Variants in IL2RG observed in about 807,000 individuals in gnomAD.
IL2RG encodes interleukin 2 receptor subunit gamma, also known as cytokine receptor common subunit gamma.
For synonymous variants in IL2RG, 111 were observed against 108.5 expected (o/e 1.02, Z -0.15); for missense variants, 205 against 272.9 (o/e 0.75, Z 1.75).
Position 71,108,343 on chromosome X carries a change from C to T in IL2RG, c.858G>A (p.Thr286=), listed in dbSNP as rs148001866. The change falls in exon 7 of 8, where the codon ACG becomes ACA. Residue 286 remains threonine, a synonymous_variant. Transcript: ENST00000374202. ...TCTTCAGGGTGGGAATTCGGGGCAT[C>T]GTCCTGACAGGGGAGAAAGAGGGAG... ...LLCVYFWLER[T]MPRIPTLKNL... 1.3e-3 allele frequency: 1,532 copies of T among 1,184,879 alleles called. 18 individuals are homozygous for T. The highest frequency in any genetic ancestry group is 1.8e-4 in the Non-Finnish European group (156 of 872,393).
rs17875899 is a variant in IL2RG at position 71,110,633 on chromosome X, C to T, written c.325G>A (p.Glu109Lys). ...VQKCSHYLFS[E>K]EITSGCQLQK... ...AACTGACAGCCAGAAGTGATTTCTT[C>T]AGAGAATAGATAGTGGCTGCACTTC... Residue 109 changes from glutamate to lysine, a missense_variant, in exon 3 of 8, where the codon GAA becomes AAA. Transcript: ENST00000374202. 7.5e-4 allele frequency: 902 copies of T among 1,207,483 alleles called. 1 individual carries two copies. Among genetic ancestry groups the T allele is most frequent in the South Asian group, 7.0e-4 (40 of 56,810 alleles).
chrX:71,108,743 T>A, intron 5 of IL2RG, 48 bp from the exon 6 acceptor site: 1 of 878,973 alleles, frequency 1.1e-6, no homozygotes, highest in Non-Finnish European at 1.6e-6. Context: ...GTTGTGCCCC[T>A]ACTACATGCC....
intron 1 of IL2RG, 137 bp downstream of exon 1, chrX:71,111,288 T>G (rs1349188973): frequency 4.6e-6 from 4 of 863,201 alleles, no homozygotes; most frequent in South Asian, 2.5e-5. Context: ...CAGGGAACCC[T>G]CCCCCTTGCC....
chrX:71,110,116 C>A, intron 4 of IL2RG, 40 bp downstream of exon 4: 1 of 1,202,708 alleles, frequency 8.3e-7, no homozygotes, highest in Middle Eastern at 2.7e-4. Flanking sequence ...GCCCTACTTT[C>A]TTGGCCTTAG....
In IL2RG at chrX:71,107,532, G is replaced by A; in HGVS notation, c.*204C>T. 1 of 323,238 alleles carries A rather than the reference G, an allele frequency of 3.1e-6. No homozygotes were observed. The highest frequency in any genetic ancestry group is 4.6e-5 in the East Asian group (1 of 21,718). 26.6% of individuals were successfully genotyped at this position (323,238 alleles called of 1,213,427 possible). A position where few individuals can be genotyped will look rare whatever the true frequency, so the allele number is the denominator to read the frequency against. ...CTGCGAAAAGGAAGGGCCAGACTGA[G>A]GGAGAAGAAAAACATGTTCGGGGCA... On this transcript the variant is annotated 3_prime_UTR_variant, in exon 8 of 8. Coordinates refer to ENST00000374202, the MANE Select transcript of IL2RG (RefSeq NM_000206.3).
Position 71,111,212 on chromosome X carries a change from T to C in IL2RG, c.116-162A>G, listed in dbSNP as rs932849024. On this transcript the variant is annotated intron_variant, in intron 1 of 7. Coordinates refer to ENST00000374202, the MANE Select transcript of IL2RG (RefSeq NM_000206.3). The stretch of plus-strand genomic sequence containing the variant: ...TTTGAGACCAGCCTAGGCAACATAG[T>C]GAGACCCTGCCTCAAAAGAAAGAAA... The C allele has an allele frequency of 2.2e-4, 148 of 685,971 alleles. 3 individuals are homozygous for C. The Admixed American group carries it at 4.0e-3, about 19-fold the overall frequency. 56.5% of individuals were successfully genotyped at this position (685,971 alleles called of 1,213,427 possible).
chrX:71,108,596 C>T lies in IL2RG; in HGVS notation c.854+3G>A. 1 of 1,174,091 alleles carries T rather than the reference C, an allele frequency of 8.5e-7. No individual in the cohort carries two copies. Among genetic ancestry groups the T allele is most frequent in the Non-Finnish European group, 1.2e-6 (1 of 868,138 alleles). On this transcript the variant is annotated splice_donor_region_variant and intron_variant, in intron 6 of 7. Transcript: ENST00000374202. ...CATTTTTCTGGGCTTCTCCAAATCT[C>T]ACCGTTCCAGCCAGAAATACACACA...
At chrX:71,110,814 C>T in intron 2 of IL2RG, 83 bp downstream of exon 2, 3 of 1,118,921 alleles carry the variant, frequency 2.7e-6, no homozygotes, top group South Asian at 3.7e-5. Context: ...CAGTGGGGTA[C>T]CTGGGAGACT....
chrX:71,109,944 A>G (rs1464147703), intron 4 of IL2RG, among the ~76,000 whole-genome samples: 1 of 103,248 alleles, frequency 9.7e-6, no homozygotes, highest in Non-Finnish European at 2.0e-5. Context: ...AAAAAAAAAA[A>G]AGAAAGAAAG....
At position 71,110,989 on chromosome X, in the gene IL2RG, C is replaced by T; in HGVS notation, c.177G>A (p.Glu59=). 1 of 1,206,978 alleles carries T rather than the reference C, an allele frequency of 8.3e-7. No homozygotes were observed. Among genetic ancestry groups the T allele is most frequent in the Non-Finnish European group, 1.1e-6 (1 of 892,313 alleles). The part of the protein sequence containing the change: ...SLSVSTLPLP[E]VQCFVFNVEY... ...CGACATTGAACACAAAACACTGAACCTCTGGGAGGGGCAGAGTGGAAACAC... is the reference window on the plus strand; with the variant it reads ...CGACATTGAACACAAAACACTGAACTTCTGGGAGGGGCAGAGTGGAAACAC... The change falls in exon 2 of 8, where the codon GAG becomes GAA. Residue 59 remains glutamate, a synonymous_variant. Coordinates refer to ENST00000374202, the MANE Select transcript of IL2RG (RefSeq NM_000206.3).
chrX:71,107,593 G>A lies in IL2RG; in HGVS notation c.*143C>T. 2.8e-6 allele frequency: 1 copy of A among 356,202 alleles called. No homozygotes were observed. 29.4% of individuals were successfully genotyped at this position (356,202 alleles called of 1,213,427 possible). On this transcript the variant is annotated 3_prime_UTR_variant, in exon 8 of 8. Transcript: ENST00000374202. ...TCTCAAGTGGGGAATGCCAAATGAA[G>A]GGGTGCTTACATGGGGGCACAAAAT...
chrX:71,108,229 G>T, intron 7 of IL2RG, 48 bp downstream of exon 7: 2 of 906,599 alleles, frequency 2.2e-6, no homozygotes, highest in East Asian at 3.1e-5. Flanking sequence ...TTGCTGGCAG[G>T]CAGTTGGCAG....
At position 71,108,703 on chromosome X, in the gene IL2RG, A is replaced by G. The variant is rs750518545; in HGVS notation, c.758-8T>C. Reference sequence around the variant, plus strand: ...CAAACAGGAAAGGATTCTCTATAGAAAAAAGAAAAGCAAAGTGGACCTTAT... The same window carrying G: ...CAAACAGGAAAGGATTCTCTATAGAGAAAAGAAAAGCAAAGTGGACCTTAT... On this transcript the variant is annotated splice_polypyrimidine_tract_variant and splice_region_variant and intron_variant, in intron 5 of 7. Coordinates refer to ENST00000374202, the MANE Select transcript of IL2RG (RefSeq NM_000206.3). The G allele has an allele frequency of 2.6e-6, 3 of 1,138,299 alleles. No individual in the cohort carries two copies. The Admixed American group carries it at 6.9e-5, about 26-fold the overall frequency. The allele number at this position is 1,138,299 out of a possible 1,213,427, so 93.8% of individuals were successfully genotyped here.
chrX:71,107,766 G>A lies in IL2RG; in HGVS notation c.1080C>T (p.Pro360=), dbSNP rs748015056. 2.2e-5 allele frequency: 25 copies of A among 1,150,755 alleles called. No individual in the cohort carries two copies. Among genetic ancestry groups the A allele is most frequent in the Middle Eastern group, 4.9e-4 (2 of 4,080 alleles). The allele number at this position is 1,150,755 out of a possible 1,213,427, so 94.8% of individuals were successfully genotyped here. A position where few individuals can be genotyped will look rare whatever the true frequency, so the allele number is the denominator to read the frequency against. Reference sequence around the variant, plus strand: ...TTTCAGGCTTTAGGGTGTAACATGGGGGGGCCCAGTAGGGGCTATGCTGGT... The same window carrying A: ...TTTCAGGCTTTAGGGTGTAACATGGAGGGGCCCAGTAGGGGCTATGCTGGT... ...PCNQHSPYWA[P]PCYTLKPET Residue 360 remains proline (P), a synonymous_variant, in exon 8 of 8, where the codon CCC becomes CCT. Transcript: ENST00000374202.
rs1032208668 is a variant in IL2RG, at chrX:71,110,487, C to T, written c.454+17G>A. The T allele has an allele frequency of 8.3e-7, 1 of 1,205,937 alleles. No individual in the cohort carries two copies. ...CCACAGTATCCCTGGTCTCTTGACC[C>T]TTTCTTTCCAAATTACCCAGATTCT... On this transcript the variant is annotated intron_variant, in intron 3 of 7. Coordinates refer to ENST00000374202, the MANE Select transcript of IL2RG (RefSeq NM_000206.3).
chrX:71,109,166 C>A, intron 5 of IL2RG, 62 bp downstream of exon 5: 5 of 1,096,517 alleles, frequency 4.6e-6, no homozygotes, highest in Middle Eastern at 3.4e-4. Flanking sequence ...GAGCAAAAGA[C>A]AGTGGTGTTA....
rs369142790 is a variant in IL2RG at position 71,109,929 on chromosome X, C to CAA, written c.594+225_594+226dup. On this transcript the variant is annotated intron_variant, in intron 4 of 7. Coordinates refer to ENST00000374202, the MANE Select transcript of IL2RG (RefSeq NM_000206.3). ...TGGGCAACAGAGTGAGGCTCTGTCT[C>CAA]AAAAAAAAAAAAAAAAGAAAGAAAG... 0.034 allele frequency among the ~76,000 whole-genome samples: 1,606 copies of CAA among 47,780 alleles called. 46 individuals are homozygous for CAA. The highest frequency in any genetic ancestry group is 0.085 in the African/African-American group (1,358 of 16,011). The allele number at this position is 47,780 out of a possible 115,157, so 41.5% of individuals were successfully genotyped here.
rs747140632 is a variant in IL2RG at position 71,111,540 on chromosome X, G to A, written c.-1C>T. 2 of 1,211,328 alleles carry A rather than the reference G, an allele frequency of 1.7e-6. No homozygotes were observed. The highest frequency in any genetic ancestry group is 4.3e-5 in the Admixed American group (2 of 46,037). On this transcript the variant is annotated 5_prime_UTR_variant, in exon 1 of 8. Coordinates refer to ENST00000374202, the MANE Select transcript of IL2RG (RefSeq NM_000206.3). ...TGAATGGTAATGATGGCTTCAACATGGCGCTTGCTCTTCATTCCCTGGGTG... is the reference window on the plus strand; with the variant it reads ...TGAATGGTAATGATGGCTTCAACATAGCGCTTGCTCTTCATTCCCTGGGTG...
chrX:71,111,443 T>C lies in IL2RG; in HGVS notation c.97A>G (p.Asn33Asp). The change falls in exon 1 of 8, where the codon AAT becomes GAT. Residue 33 changes from asparagine (N) to aspartate (D), a missense_variant. Asn to Asp is a conservative substitution (Grantham distance 23). Transcript: ENST00000374202. ...TTCCCACCAGCTGTGGTGTCTTCAT[T>C]CCCATTGGGCGTCAGAATTGTCGTG... ...LNTTILTPNG[N>D]EDTTADFFLT... 1.7e-6 allele frequency: 2 copies of C among 1,211,070 alleles called. No homozygotes were observed. The highest frequency in any genetic ancestry group is 2.2e-6 in the Non-Finnish European group (2 of 895,113).
Sources: gnomAD v4.1 joint callset for allele counts (sites outside exome capture counted in the v4.1 genomes callset) on GRCh38, gnomAD v4.1.1 for gene constraint, MANE v1.5 for transcripts, NCBI Gene and HGNC (gene_info 2026-07-23, HGNC 2026-07-21) for gene names.